The following GABRD variants were observed in gnomAD, a reference collection of about 807,000 sequenced individuals.
GABRD encodes the protein gamma-aminobutyric acid receptor subunit delta.
In GABRD, 25 loss-of-function variants were observed where a neutral mutation model predicts 47.3. The observed-to-expected ratio is 0.53, with a 90% CI of 0.39 to 0.74. The LOEUF (loss-of-function observed/expected upper bound fraction) is 0.74, where lower values mean the gene tolerates loss of function less well. Ranked by LOEUF, GABRD falls within the 30% of genes least tolerant of loss-of-function variation. The pLI, the probability that GABRD is intolerant of heterozygous loss-of-function variation, is 0.00. For missense variants in GABRD, 497 were observed against 643.4 expected, an observed-to-expected ratio of 0.77 and a Z score of 2.46; for synonymous variants, 314 against 278.8, an observed-to-expected ratio of 1.13 and a Z score of -1.26.
chr1:2,030,533 C>T lies in GABRD; in HGVS notation c.*251C>T, dbSNP rs925387538. 1.6e-5 allele frequency: 6 copies of T among 386,820 alleles called. No homozygotes were observed. Among genetic ancestry groups the T allele is most frequent in the East Asian group, 7.7e-5 (2 of 26,014 alleles). 24.0% of individuals were successfully genotyped at this position (386,820 alleles called of 1,614,324 possible). A position where few individuals can be genotyped will look rare whatever the true frequency, so the allele number is the denominator to read the frequency against. ...CAGATGAAGGAGCAGAGGTTCTGAC[C>T]GAGAGGCTGAGCCAGGCCGGGGTCT... On this transcript the variant is annotated 3_prime_UTR_variant, in exon 9 of 9. Coordinates refer to ENST00000378585, the MANE Select transcript of GABRD (RefSeq NM_000815.5).
intron 1 of GABRD, among the ~76,000 whole-genome samples, 164 bp downstream of exon 1, chr1:2,019,655 C>T (rs1388780178): frequency 6.6e-6 from 1 of 151,654 alleles, no homozygotes; most frequent in Non-Finnish European, 1.5e-5. Flanking sequence ...GCGGGCCCCT[C>T]GTTGGACTCG....
chr1:2,019,517 C>A (rs985335205), intron 1 of GABRD, 26 bp downstream of exon 1: 2 of 1,074,046 alleles, frequency 1.9e-6, no homozygotes, highest in East Asian at 5.6e-5. Context: ...CCGCGCGGCG[C>A]GGGGTCGGGG....
chr1:2,027,725 CG>C, intron 5 of GABRD, 66 bp downstream of exon 5: 1 of 1,427,804 alleles, frequency 7.0e-7, no homozygotes, highest in South Asian at 1.2e-5. Context: ...ACTGTCAGCC[CG>C]GGGCCTGGAC....
chr1:2,025,312 T>C (rs1658890591), intron 2 of GABRD, 22 bp from the exon 3 acceptor site: 1 of 1,612,984 alleles, frequency 6.2e-7, no homozygotes, highest in African/African-American at 1.3e-5. Flanking sequence ...CAGTCCTTCT[T>C]AGTTCTGCTC....
In GABRD at chr1:2,025,339, C is replaced by T. The variant is rs911958534; in HGVS notation, c.187C>T (p.Pro63Ser). Residue 63 changes from proline (P) to serine (S), a missense_variant, in exon 3 of 9, where the codon CCC becomes TCC. Physicochemically the swap from Pro to Ser is moderately conservative, Grantham distance 74 (BLOSUM62 -1). Transcript: ENST00000378585. Reference sequence around the variant, plus strand: ...GTTCTGCTCTTTCCTTGCAGGCCCCCCCGTGAATGTGGCCCTTGCCCTGGA... The same window carrying T: ...GTTCTGCTCTTTCCTTGCAGGCCCCTCCGTGAATGTGGCCCTTGCCCTGGA... ...RNFRPGIGGP[P>S]VNVALALEVA... 1 of 1,613,106 alleles carries T rather than the reference C, an allele frequency of 6.2e-7. No individual in the cohort carries two copies. Among genetic ancestry groups the T allele is most frequent in the African/African-American group, 1.3e-5 (1 of 74,954 alleles).
chr1:2,029,752 C>G lies in GABRD; in HGVS notation c.1049C>G (p.Pro350Arg), dbSNP rs759215834. The G allele has an allele frequency of 6.2e-7, 1 of 1,612,754 alleles. No individual in the cohort carries two copies. Among genetic ancestry groups the G allele is most frequent in the Non-Finnish European group, 8.5e-7 (1 of 1,179,744 alleles). ...KQKAKVKVSR[P>R]RAEMDVRNAI... ...AAGGCCAAGGTCAAGGTCTCCAGGCCGAGGGCAGAGGTGAGGGCCTGGGGC... is the reference window on the plus strand; with the variant it reads ...AAGGCCAAGGTCAAGGTCTCCAGGCGGAGGGCAGAGGTGAGGGCCTGGGGC... The change falls in exon 8 of 9, where the codon CCG (proline) becomes CGG (arginine). Residue 350 changes from proline (P) to arginine (R), a missense_variant. By Grantham distance (103) the Pro-to-Arg change is moderately radical. Transcript: ENST00000378585.
Position 2,027,087 on chromosome 1 carries a change from C to T in GABRD, c.471-490C>T, listed in dbSNP as rs565279087. 3.8e-4 allele frequency: 84 copies of T among 221,426 alleles called. 1 individual carries two copies. The South Asian group carries it at 4.8e-3, about 13-fold the overall frequency. The allele number at this position is 221,426 out of a possible 1,614,324, so 13.7% of individuals were successfully genotyped here. ...TGGGAGGATTACCCACCTCAAGCCC[C>T]GGGGGGTTGAGGCTGTAGTGAGTCA... On this transcript the variant is annotated intron_variant, in intron 4 of 8. Transcript: ENST00000378585.
At chr1:2,021,343 C>A (rs3128318) in intron 1 of GABRD, among the ~76,000 whole-genome samples, 126,236 of 152,142 alleles carry the variant, frequency 0.83, 52,376 homozygotes, top group Middle Eastern at 0.88. Flanking sequence ...CCTGCCAACT[C>A]AGCCCTAGGG....
intron 1 of GABRD, 97 bp downstream of exon 1, chr1:2,019,588 G>A: frequency 1.3e-6 from 1 of 741,690 alleles, no homozygotes; most frequent in East Asian, 7.3e-5. Context: ...CGCGAGCCCC[G>A]GGCCCCGGAC....
Position 2,029,599 on chromosome 1 carries a change from C to T in GABRD, c.896C>T (p.Ser299Phe). 3 of 1,613,156 alleles carry T rather than the reference C, an allele frequency of 1.9e-6. No homozygotes were observed. The highest frequency in any genetic ancestry group is 1.1e-5 in the South Asian group (1 of 91,084). ...ACCACGCTCATGGTCAGTGCCCGCT[C>T]CTCCCTGCCACGGGCATCAGCCATC... The part of the protein sequence containing the change: ...TMTTLMVSAR[S>F]SLPRASAIKA... Residue 299 changes from serine (S) to phenylalanine (F), a missense_variant, in exon 8 of 9, where the codon TCC becomes TTC. By Grantham distance (155) the Ser-to-Phe change is radical. Coordinates refer to ENST00000378585, the MANE Select transcript of GABRD (RefSeq NM_000815.5).
chr1:2,019,408 C>G lies in GABRD; in HGVS notation c.-16C>G, dbSNP rs1013353043. ...AGCCAAGTTTGCGCGGACCCCGTCC[C>G]GAGCCCGCCGCGGCCATGGACGCGC... On this transcript the variant is annotated 5_prime_UTR_variant, in exon 1 of 9. Transcript: ENST00000378585. The G allele has an allele frequency of 2.2e-5, 24 of 1,069,734 alleles. No homozygotes were observed. The East Asian group carries it at 7.6e-4, about 34-fold the overall frequency. 66.3% of individuals were successfully genotyped at this position (1,069,734 alleles called of 1,614,324 possible). A position where few individuals can be genotyped will look rare whatever the true frequency, so the allele number is the denominator to read the frequency against.
Position 2,025,019 on chromosome 1 carries a change from C to A in GABRD, c.146C>A (p.Ala49Asp). 6.2e-7 allele frequency: 1 copy of A among 1,612,666 alleles called. No individual in the cohort carries two copies. Among genetic ancestry groups the A allele is most frequent in the Non-Finnish European group, 8.5e-7 (1 of 1,179,772 alleles). The change falls in exon 2 of 9, where the codon GCC becomes GAC. Residue 49 changes from alanine (A) to aspartate (D), a missense_variant. Ala to Asp is a moderately radical substitution (Grantham distance 126). Around this residue, in one of 3 missense-constraint regions of GABRD, gnomAD observed 91 missense variants for 85.5 expected, o/e 1.06. Transcript: ENST00000378585. ...CTCCCCAACCTGGACGGGCTGATAG[C>A]CGGCTACGCCCGCAACTTCCGGCCT... ...SWLPNLDGLI[A>D]GYARNFRPGI...
intron 1 of GABRD, among the ~76,000 whole-genome samples, chr1:2,020,203 C>G (rs776214658): frequency 2.6e-5 from 4 of 152,194 alleles, no homozygotes; most frequent in African/African-American, 9.6e-5. Context: ...GCCTACAGTG[C>G]CCCCCCATCT....
chr1:2,025,753 C>T lies in GABRD; in HGVS notation c.470+15C>T, dbSNP rs766248295. On this transcript the variant is annotated intron_variant, in intron 4 of 8. Transcript: ENST00000378585. ...TACAGCATCCGGTGAGCGGGCTGCC[C>T]ACCCGGACTCCGGGGGAGAGCCTGC... 2 of 1,605,674 alleles carry T rather than the reference C, an allele frequency of 1.2e-6. No homozygotes were observed. Among genetic ancestry groups the T allele is most frequent in the Non-Finnish European group, 1.7e-6 (2 of 1,174,420 alleles).
intron 1 of GABRD, among the ~76,000 whole-genome samples, chr1:2,020,772 G>A (rs562465690): frequency 6.6e-6 from 1 of 152,320 alleles, no homozygotes; most frequent in Admixed American, 6.5e-5. Context: ...AAATCCAGAC[G>A]GCTCTGAAAC....
At chr1:2,022,113 G>A (rs1310466040) in intron 1 of GABRD, among the ~76,000 whole-genome samples, 1 of 152,162 alleles carries the variant, frequency 6.6e-6, no homozygotes. Flanking sequence ...GAAACCCCAA[G>A]CTCAGGCCAC....
rs201757318 is a variant in GABRD, at chr1:2,025,676, C to T, written c.408C>T (p.Asp136=). ...IVNAKSAWFH[D]VTVENKLIRL... The stretch of plus-strand genomic sequence containing the variant: ...ACGCCAAGTCGGCCTGGTTCCACGA[C>T]GTGACGGTGGAGAACAAGCTCATCC... The change falls in exon 4 of 9, where the codon GAC becomes GAT. Residue 136 remains aspartate, a synonymous_variant. Transcript: ENST00000378585. 2.1e-5 allele frequency: 34 copies of T among 1,612,882 alleles called. No homozygotes were observed. Among genetic ancestry groups the T allele is most frequent in the East Asian group, 1.6e-4 (7 of 44,890 alleles).
At position 2,030,370 on chromosome 1, in the gene GABRD, T is replaced by C. The variant is rs894394535; in HGVS notation, c.*88T>C. 19 of 1,224,382 alleles carry C rather than the reference T, an allele frequency of 1.6e-5. No homozygotes were observed. The African/African-American group carries it at 2.2e-4, about 14-fold the overall frequency. 75.8% of individuals were successfully genotyped at this position (1,224,382 alleles called of 1,614,324 possible). ...TGGGAGAAAGAGCCCTCGGGCTGCC[T>C]TCCCCTCTGCGTGTTTCGAAGTGGG... is the stretch of plus-strand genomic sequence containing the variant. On this transcript the variant is annotated 3_prime_UTR_variant, in exon 9 of 9. Coordinates refer to ENST00000378585, the MANE Select transcript of GABRD (RefSeq NM_000815.5).
In GABRD at chr1:2,030,119, G is replaced by T; in HGVS notation, c.1196G>T (p.Gly399Val). ...TACAGGTCGGTGGGGGTGGAGACAG[G>T]GGAGACGAAGAAGGAGGGGGCAGCC... ...GSYRSVGVET[G>V]ETKKEGAARS... The change falls in exon 9 of 9, where the codon GGG becomes GTG. Residue 399 changes from glycine to valine, a missense_variant. This residue lies in a region of GABRD where 121 missense variants were observed against 121.3 expected (regional missense o/e 1.00). Coordinates refer to ENST00000378585, the MANE Select transcript of GABRD (RefSeq NM_000815.5). 6.3e-7 allele frequency: 1 copy of T among 1,584,026 alleles called. No homozygotes were observed. The highest frequency in any genetic ancestry group is 8.6e-7 in the Non-Finnish European group (1 of 1,164,198).
Sources: allele counts gnomAD v4.1 joint callset (sites outside exome capture counted in the v4.1 genomes callset), GRCh38; gene constraint gnomAD v4.1.1; regional missense constraint gnomAD v4.1.1; transcripts MANE v1.5; gene names NCBI Gene and HGNC (gene_info 2026-07-23, HGNC 2026-07-21).